The following GABRB1 variants were observed in gnomAD, a reference collection of about 807,000 sequenced individuals.
GABRB1 encodes gamma-aminobutyric acid receptor subunit beta-1.
In GABRB1, 17 loss-of-function variants were observed where a neutral mutation model predicts 51.6. The observed-to-expected ratio is 0.33, with a 90% CI of 0.23 to 0.49. GABRB1 has a LOEUF of 0.49. GABRB1 is among the 20% of genes least tolerant of loss of function. The probability of loss-of-function intolerance (pLI) is 0.99; values close to 1 mark genes in which losing one functional copy is unlikely to be tolerated. For synonymous variants in GABRB1, 247 were observed against 218.9 expected, an observed-to-expected ratio of 1.13 and a Z score of -1.14; for missense variants, 410 against 600.6, an observed-to-expected ratio of 0.68 and a Z score of 3.32.
intron 8 of GABRB1, among the ~76,000 whole-genome samples, chr4:47,408,202 T>C (rs1327774945): frequency 6.6e-6 from 1 of 152,220 alleles, no homozygotes; most frequent in Non-Finnish European, 1.5e-5. Context: ...AATGACCATT[T>C]GATCTGATAC....
chr4:47,018,653 T>C (rs1218145348), intron 1 of GABRB1, among the ~76,000 whole-genome samples: 3 of 152,180 alleles, frequency 2.0e-5, no homozygotes, highest in Non-Finnish European at 2.9e-5. Flanking sequence ...ATATATGACA[T>C]GCATTGGGTA....
intron 4 of GABRB1, among the ~76,000 whole-genome samples, chr4:47,247,377 G>C (rs1243758086): frequency 6.6e-6 from 1 of 151,900 alleles, no homozygotes; most frequent in Non-Finnish European, 1.5e-5. Context: ...CCATTGGTCT[G>C]TGTGCCTATT....
At chr4:47,401,182 G>A (rs533223658) in intron 5 of GABRB1, among the ~76,000 whole-genome samples, 2 of 152,152 alleles carry the variant, frequency 1.3e-5, no homozygotes, top group East Asian at 3.9e-4. Flanking sequence ...TATATATAAT[G>A]ACTTCTTTTC....
intron 4 of GABRB1, among the ~76,000 whole-genome samples, chr4:47,266,158 GACTATCTAATTTCCTAGC>G (rs1179372929): frequency 6.6e-6 from 1 of 152,054 alleles, no homozygotes; most frequent in East Asian, 1.9e-4. Flanking sequence ...CTCTGCATAT[GACTATCTAATTTCCTAGC>G]ACCATTTATT....
At chr4:47,401,111 G>C (rs1165457933) in intron 5 of GABRB1, among the ~76,000 whole-genome samples, 2 of 151,790 alleles carry the variant, frequency 1.3e-5, no homozygotes, top group African/African-American at 4.8e-5. Context: ...GGGCACTTAG[G>C]TTGACTCCAT....
At chr4:47,248,653 G>A (rs1422492653) in intron 4 of GABRB1, among the ~76,000 whole-genome samples, 1 of 151,508 alleles carries the variant, frequency 6.6e-6, no homozygotes, top group Non-Finnish European at 1.5e-5. Context: ...TTTTTTGTTG[G>A]CTATTTTTAA....
intron 4 of GABRB1, among the ~76,000 whole-genome samples, chr4:47,300,660 G>A (rs1370210475): frequency 6.6e-6 from 1 of 152,076 alleles, no homozygotes; most frequent in African/African-American, 2.4e-5. Context: ...GTACATTGTA[G>A]GTGTATATAT....
chr4:47,052,864 G>A (rs1187421953), intron 3 of GABRB1, among the ~76,000 whole-genome samples: 4 of 152,188 alleles, frequency 2.6e-5, no homozygotes, highest in Non-Finnish European at 5.9e-5. Flanking sequence ...AATAGAGAGC[G>A]AGCAAGCAAG....
Position 47,354,989 on chromosome 4 carries a change from T to TGTTTTG in GABRB1, c.544+34780_544+34781insGTTTTG, listed in dbSNP as rs1372730294. Reference sequence around the variant, plus strand: ...CTTTCTTTCTTCCTTTGTTTTTTTTTTTTTTTTTTTTTTTTTGACAGAATC... The same window carrying TGTTTTG: ...CTTTCTTTCTTCCTTTGTTTTTTTTTGTTTTGTTTTTTTTTTTTTTTTGACAGAATC... On this transcript the variant is annotated intron_variant, in intron 5 of 8. Coordinates refer to ENST00000295454, the MANE Select transcript of GABRB1 (RefSeq NM_000812.4). Among the ~76,000 whole-genome samples, 5 of 130,366 alleles carry TGTTTTG rather than the reference T, an allele frequency of 3.8e-5. No homozygotes were observed. The South Asian group carries it at 1.3e-3, about 35-fold the overall frequency. 85.5% of individuals were successfully genotyped at this position (130,366 alleles called of 152,430 possible).
intron 5 of GABRB1, among the ~76,000 whole-genome samples, chr4:47,347,238 C>T (rs772249140): frequency 1.4e-4 from 22 of 151,964 alleles, no homozygotes; most frequent in African/African-American, 4.1e-4. Flanking sequence ...GTCGAGATCA[C>T]GCCACTGCAC....
rs910275182 is a variant in GABRB1 at position 47,098,852 on chromosome 4, T to C, written c.241-62397T>C. On this transcript the variant is annotated intron_variant, in intron 3 of 8. Transcript: ENST00000295454. ...GTTTTTATTCCATAATAACCTCGAGTAGATATCACCTAGTGGCTGTTCGTA... is the reference window on the plus strand; with the variant it reads ...GTTTTTATTCCATAATAACCTCGAGCAGATATCACCTAGTGGCTGTTCGTA... Among the ~76,000 whole-genome samples, 4 of 152,034 alleles carry C rather than the reference T, an allele frequency of 2.6e-5. 1 individual carries two copies. The highest frequency in any genetic ancestry group is 2.6e-4 in the Admixed American group (4 of 15,234).
intron 5 of GABRB1, among the ~76,000 whole-genome samples, chr4:47,343,880 C>A (rs1384303587): frequency 6.6e-6 from 1 of 152,178 alleles, no homozygotes; most frequent in Non-Finnish European, 1.5e-5. Context: ...AACTCAGAAA[C>A]TTTTAGTAAC....
At chr4:47,269,053 T>C (rs1040156038) in intron 4 of GABRB1, among the ~76,000 whole-genome samples, 1 of 152,208 alleles carries the variant, frequency 6.6e-6, no homozygotes, top group African/African-American at 2.4e-5. Context: ...ACAACTTATT[T>C]TGATGGTCTC....
intron 5 of GABRB1, among the ~76,000 whole-genome samples, chr4:47,359,650 T>C (rs1334351162): frequency 1.3e-5 from 2 of 152,120 alleles, no homozygotes; most frequent in African/African-American, 2.4e-5. Flanking sequence ...GGGGATTATA[T>C]GAAGATTTTC....
intron 3 of GABRB1, among the ~76,000 whole-genome samples, chr4:47,041,732 T>C (rs1402782295): frequency 3.9e-5 from 6 of 152,104 alleles, no homozygotes; most frequent in Non-Finnish European, 7.4e-5. Flanking sequence ...GATACACAAT[T>C]TTCTAGTCAA....
chr4:47,312,387 C>T (rs1032398668), intron 4 of GABRB1, among the ~76,000 whole-genome samples: 1 of 150,244 alleles, frequency 6.7e-6, no homozygotes, highest in Non-Finnish European at 1.5e-5. Context: ...TTCTTTTCAC[C>T]CTATTGCACT....
chr4:47,087,098 A>G (rs1241288864), intron 3 of GABRB1, among the ~76,000 whole-genome samples: 5 of 152,098 alleles, frequency 3.3e-5, no homozygotes, highest in Admixed American at 2.6e-4. Flanking sequence ...AGTCCCTTCA[A>G]TCTCTGCCTG....
chr4:47,313,142 G>A (rs1371591557), intron 4 of GABRB1, among the ~76,000 whole-genome samples: 1 of 152,082 alleles, frequency 6.6e-6, no homozygotes, highest in African/African-American at 2.4e-5. Flanking sequence ...AATAAATTGG[G>A]ATTATAATGT....
At chr4:47,277,900 G>A (rs1194128193) in intron 4 of GABRB1, among the ~76,000 whole-genome samples, 4 of 151,774 alleles carry the variant, frequency 2.6e-5, no homozygotes, top group African/African-American at 9.7e-5. Context: ...TAATACAATT[G>A]TTTTCCTTTG....
Sources: allele counts gnomAD v4.1 joint callset (sites outside exome capture counted in the v4.1 genomes callset), GRCh38; gene constraint gnomAD v4.1.1; transcripts MANE v1.5; gene names NCBI Gene and HGNC (gene_info 2026-07-23, HGNC 2026-07-21).